Variants in RORA observed in about 807,000 individuals in gnomAD.
The protein encoded by RORA is RAR related orphan receptor A.
In RORA, 7 loss-of-function variants were observed where a neutral mutation model predicts 69.5. The observed-to-expected ratio is 0.10, with a 90% CI of 0.06 to 0.19. RORA has a LOEUF of 0.19. Among genes scored for constraint, RORA ranks in the 10% least tolerant of loss-of-function variants. RORA has a pLI of 1.00. For synonymous variants in RORA, 261 were observed against 240.8 expected, an observed-to-expected ratio of 1.08 and a Z score of -0.78; for missense variants, 457 against 663.0, an observed-to-expected ratio of 0.69 and a Z score of 3.41.
intron 1 of RORA, among the ~76,000 whole-genome samples, chr15:61,194,652 G>A (rs1298156723): frequency 3.3e-5 from 5 of 151,930 alleles, no homozygotes; most frequent in Admixed American, 1.3e-4. Flanking sequence ...ATTTTTTCAC[G>A]GTTCATATTT....
chr15:60,986,671 G>A (rs1003075149), intron 1 of RORA, among the ~76,000 whole-genome samples: 3 of 152,170 alleles, frequency 2.0e-5, no homozygotes, highest in Non-Finnish European at 4.4e-5. Context: ...CTGAGTTTTT[G>A]AAAGGCTCTG....
intron 1 of RORA, among the ~76,000 whole-genome samples, chr15:61,196,857 G>C (rs117993268): frequency 1.6e-4 from 25 of 152,176 alleles, no homozygotes; most frequent in South Asian, 4.1e-4. Context: ...GCTTTTTCCT[G>C]ATCTCTTTGA....
At position 61,058,170 on chromosome 15, in the gene RORA, C is replaced by G. The variant is rs1276387004; in HGVS notation, c.166+170883G>C. On this transcript the variant is annotated intron_variant, in intron 1 of 10. Transcript: ENST00000335670. ...CAAGAGCAAAGGAGGAGATAAGAAC[C>G]CGCAAGGTGTTGTGAGATTGTGAGG... Among the ~76,000 whole-genome samples, 3 of 152,012 alleles carry G rather than the reference C, an allele frequency of 2.0e-5. No individual in the cohort carries two copies. The East Asian group carries it at 5.8e-4, about 29-fold the overall frequency.
chr15:60,626,851 C>G (rs1414446622), intron 2 of RORA, among the ~76,000 whole-genome samples: 1 of 152,198 alleles, frequency 6.6e-6, no homozygotes, highest in African/African-American at 2.4e-5. Flanking sequence ...TGGGCTCATT[C>G]ATAGACTTTG....
chr15:60,836,617 C>T (rs749262062), intron 1 of RORA, among the ~76,000 whole-genome samples: 2 of 152,196 alleles, frequency 1.3e-5, no homozygotes, highest in African/African-American at 4.8e-5. Context: ...ACACGTTCAG[C>T]GGGGACTCCA....
intron 1 of RORA, among the ~76,000 whole-genome samples, chr15:60,834,665 G>A (rs1160598224): frequency 1.3e-5 from 2 of 152,172 alleles, no homozygotes; most frequent in Non-Finnish European, 2.9e-5. Context: ...GCCCATGGGG[G>A]AAGAATTCAG....
chr15:60,944,052 CG>C (rs1188234382), intron 1 of RORA, among the ~76,000 whole-genome samples: 1 of 151,802 alleles, frequency 6.6e-6, no homozygotes. Context: ...GTCAGTCAGT[CG>C]TCCATTATCA....
chr15:60,636,599 C>T (rs981643994), intron 2 of RORA, among the ~76,000 whole-genome samples: 3 of 152,090 alleles, frequency 2.0e-5, no homozygotes, highest in Non-Finnish European at 4.4e-5. Flanking sequence ...CTACCATTGG[C>T]TCTTTTTTGT....
rs867667525 is a variant in RORA at position 60,516,166 on chromosome 15, T to A, written c.283-1409A>T. On this transcript the variant is annotated intron_variant, in intron 3 of 10. Transcript: ENST00000335670. ...ATATATTTATATATATATATTTATA[T>A]ATATATTTATATATATATTTATATA... is the stretch of plus-strand genomic sequence containing the variant. 3.8e-3 allele frequency among the ~76,000 whole-genome samples: 128 copies of A among 33,574 alleles called. 7 individuals carry two copies. Among genetic ancestry groups the A allele is most frequent in the African/African-American group, 0.017 (126 of 7,602 alleles). The allele number at this position is 33,574 out of a possible 152,430, so 22.0% of individuals were successfully genotyped here.
At chr15:60,926,675 A>C (rs1252392153) in intron 1 of RORA, among the ~76,000 whole-genome samples, 9 of 152,232 alleles carry the variant, frequency 5.9e-5, no homozygotes, top group Admixed American at 5.2e-4. Context: ...TCTCGTTTAT[A>C]AGAGAAAAGC....
intron 1 of RORA, among the ~76,000 whole-genome samples, chr15:61,098,485 C>A (rs1261276430): frequency 6.6e-6 from 1 of 152,070 alleles, no homozygotes; most frequent in Non-Finnish European, 1.5e-5. Flanking sequence ...AGCCTACAGG[C>A]ACATGCCATC....
At chr15:60,879,791 C>A (rs914701908) in intron 1 of RORA, among the ~76,000 whole-genome samples, 7 of 152,176 alleles carry the variant, frequency 4.6e-5, no homozygotes, top group Non-Finnish European at 1.0e-4. Flanking sequence ...AAAGGAAATG[C>A]TTTTAAATGT....
At position 60,490,201 on chromosome 15, in the gene RORA, C is replaced by T. The variant is rs995268927; in HGVS notation, c.*7254G>A. On this transcript the variant is annotated 3_prime_UTR_variant, in exon 11 of 11. Coordinates refer to ENST00000335670, the MANE Select transcript of RORA (RefSeq NM_134261.3). The surrounding 1 kb of genome is among the most constrained non-coding windows in gnomAD (Gnocchi z 4.1). Reference sequence around the variant, plus strand: ...ATATATACAAATATATAGTTATACTCAGTGAAATTAACAAGACCCAAAGGT... The same window carrying T: ...ATATATACAAATATATAGTTATACTTAGTGAAATTAACAAGACCCAAAGGT... 3 of 151,060 alleles carry T rather than the reference C, an allele frequency of 2.0e-5. No homozygotes were observed. Among genetic ancestry groups the T allele is most frequent in the African/African-American group, 7.3e-5 (3 of 41,154 alleles). The allele number at this position is 151,060 out of a possible 1,614,324, so 9.4% of individuals were successfully genotyped here. A position where few individuals can be genotyped will look rare whatever the true frequency, so the allele number is the denominator to read the frequency against.
intron 1 of RORA, among the ~76,000 whole-genome samples, chr15:60,832,581 A>AT (rs2073055782): frequency 6.6e-6 from 1 of 152,068 alleles, no homozygotes; most frequent in South Asian, 2.1e-4. Context: ...TAAACTACTA[A>AT]TTTTTGAGGT....
At chr15:60,498,269 C>T (rs1437257343) in intron 10 of RORA, among the ~76,000 whole-genome samples, 1 of 152,114 alleles carries the variant, frequency 6.6e-6, no homozygotes, top group East Asian at 1.9e-4. Flanking sequence ...TTCCTGGAAT[C>T]CTGCCTTCTA....
intron 1 of RORA, among the ~76,000 whole-genome samples, chr15:60,894,100 C>T (rs1006274741): frequency 6.6e-6 from 1 of 152,142 alleles, no homozygotes; most frequent in Non-Finnish European, 1.5e-5. Context: ...CATGGCTGCC[C>T]ACTCTCTCCA....
chr15:60,708,667 TC>T (rs1253315481), intron 1 of RORA, among the ~76,000 whole-genome samples: 2 of 152,086 alleles, frequency 1.3e-5, no homozygotes, highest in South Asian at 4.2e-4. Flanking sequence ...CATCTTCCCC[TC>T]CCTCCCAAGC....
chr15:60,552,685 A>G (rs1441862126), intron 2 of RORA, among the ~76,000 whole-genome samples: 1 of 152,240 alleles, frequency 6.6e-6, no homozygotes, highest in Non-Finnish European at 1.5e-5. Context: ...TGTGGAAACT[A>G]CAGCAAGAAC....
At chr15:60,920,574 G>C (rs977389556) in intron 1 of RORA, among the ~76,000 whole-genome samples, 1 of 152,148 alleles carries the variant, frequency 6.6e-6, no homozygotes, top group East Asian at 1.9e-4. Flanking sequence ...TGGGCACTAA[G>C]ATATGACAGA....
Sources: allele counts gnomAD v4.1 joint callset (sites outside exome capture counted in the v4.1 genomes callset), GRCh38; gene constraint gnomAD v4.1.1; non-coding constraint Gnocchi (gnomAD v3.1); transcripts MANE v1.5; gene names NCBI Gene and HGNC (gene_info 2026-07-23, HGNC 2026-07-21).